CPED1: variants seen among roughly 807,000 people sequenced by gnomAD.
The protein encoded by CPED1 is cadherin-like and PC-esterase domain-containing protein 1.
Under a neutral mutation model 128.2 loss-of-function variants are expected in CPED1, and 114 were observed. The ratio of observed to expected loss-of-function variants is 0.89; its 90% CI spans 0.76 to 1.04. The LOEUF is 1.04. CPED1 is among the 50% of genes least tolerant of loss of function. CPED1 has a pLI of 0.00. For missense variants in CPED1, 1,211 were observed against 1,207.1 expected (o/e 1.00, Z -0.05); for synonymous variants, 462 against 426.7 (o/e 1.08, Z -1.02).
chr7:121,034,605 T>A (rs1792838548), intron 3 of CPED1, among the ~76,000 whole-genome samples: 1 of 152,146 alleles, frequency 6.6e-6, no homozygotes, highest in African/African-American at 2.4e-5. Flanking sequence ...ACACTGTTAT[T>A]AAATAAGAGC....
intron 16 of CPED1, among the ~76,000 whole-genome samples, chr7:121,194,656 T>C (rs1797229170): frequency 6.6e-6 from 1 of 152,156 alleles, no homozygotes; most frequent in Non-Finnish European, 1.5e-5. Flanking sequence ...AATTCAAATG[T>C]GTGTATTGGG....
intron 14 of CPED1, among the ~76,000 whole-genome samples, chr7:121,136,653 T>C (rs999217700): frequency 1.3e-5 from 2 of 152,132 alleles, no homozygotes; most frequent in African/African-American, 4.8e-5. Flanking sequence ...TATATCATCT[T>C]AGAGAGTCTA....
chr7:121,141,976 T>C lies in CPED1; in HGVS notation c.1890T>C (p.Phe630=), dbSNP rs762328505. ...VHLYEQAGPS[F]ASYPLGLGMN... is the part of the protein sequence containing the mutation. The stretch of plus-strand genomic sequence containing the variant: ...CTCTCTCCCTCTTTCTCTCCAGCTT[T>C]GCCAGCTACCCTCTGGGCTTAGGAA... Residue 630 remains phenylalanine (F), a synonymous_variant, in exon 16 of 23, where the codon TTT becomes TTC. Coordinates refer to ENST00000310396, the MANE Select transcript of CPED1 (RefSeq NM_024913.5). 1.2e-6 allele frequency: 2 copies of C among 1,611,842 alleles called. No individual in the cohort carries two copies. The highest frequency in any genetic ancestry group is 3.3e-5 in the Admixed American group (2 of 59,858).
intron 14 of CPED1, among the ~76,000 whole-genome samples, chr7:121,139,212 A>G (rs1202874027): frequency 6.6e-6 from 1 of 151,960 alleles, no homozygotes; most frequent in African/African-American, 2.4e-5. Flanking sequence ...TGAAGCAGAG[A>G]GTTTACCCAA....
At chr7:121,176,931 A>G (rs2116486098) in intron 16 of CPED1, among the ~76,000 whole-genome samples, 1 of 152,226 alleles carries the variant, frequency 6.6e-6, no homozygotes, top group African/African-American at 2.4e-5. Context: ...ACTCCAAAGT[A>G]TAGAATTGTT....
chr7:121,171,801 G>A (rs941763876), intron 16 of CPED1, among the ~76,000 whole-genome samples: 12 of 151,986 alleles, frequency 7.9e-5, no homozygotes, highest in Non-Finnish European at 1.8e-4. Context: ...CAATGCCTAG[G>A]AATTGGATAT....
At chr7:121,158,705 A>C (rs1796345787) in intron 16 of CPED1, among the ~76,000 whole-genome samples, 1 of 152,134 alleles carries the variant, frequency 6.6e-6, no homozygotes, top group Non-Finnish European at 1.5e-5. Context: ...AGGATATGGA[A>C]TATTAACCAT....
At position 121,243,756 on chromosome 7, in the gene CPED1, C is replaced by T. The variant is rs540295448; in HGVS notation, c.2174-446C>T. On this transcript the variant is annotated intron_variant, in intron 17 of 22. Transcript: ENST00000310396. The stretch of plus-strand genomic sequence containing the variant: ...TCATACTGAAGTAGTTCTCTTGTAT[C>T]TTAAATCCCTTGAGAGCAGGGAATA... 2.0e-5 allele frequency among the ~76,000 whole-genome samples: 3 copies of T among 152,262 alleles called. No individual in the cohort carries two copies. The South Asian group carries it at 6.2e-4, about 32-fold the overall frequency.
rs567552906 is a variant in CPED1, at chr7:121,007,143, AG to A, written c.250-8520del. Among the ~76,000 whole-genome samples, 198 of 151,936 alleles carry A rather than the reference AG, an allele frequency of 1.3e-3. 1 individual carries two copies. The highest frequency in any genetic ancestry group is 4.4e-3 in the African/African-American group (183 of 41,494). ...CTATGCGTAGGGGTTAGCTTGGGGA[AG>A]GAAGGAGCCTCACTGGAGCCGAAGC... On this transcript the variant is annotated intron_variant, in intron 2 of 22. Coordinates refer to ENST00000310396, the MANE Select transcript of CPED1 (RefSeq NM_024913.5).
intron 16 of CPED1, among the ~76,000 whole-genome samples, chr7:121,228,762 T>C (rs552387154): frequency 1.1e-4 from 16 of 152,002 alleles, no homozygotes; most frequent in African/African-American, 3.9e-4. Context: ...AGTGGATGAA[T>C]GGATAAAGAA....
intron 16 of CPED1, among the ~76,000 whole-genome samples, chr7:121,154,311 A>T (rs574363721): frequency 6.6e-6 from 1 of 152,254 alleles, no homozygotes; most frequent in South Asian, 2.1e-4. Context: ...AATTGCTGAG[A>T]CCAGGACTTA....
intron 22 of CPED1, among the ~76,000 whole-genome samples, chr7:121,289,983 T>G (rs1792659734): frequency 6.6e-6 from 1 of 152,052 alleles, no homozygotes; most frequent in Non-Finnish European, 1.5e-5. Context: ...CAGGCCCCAG[T>G]GTGTGTTGTT....
intron 2 of CPED1, among the ~76,000 whole-genome samples, chr7:121,005,152 T>A (rs1027222268): frequency 1.3e-5 from 2 of 152,240 alleles, no homozygotes; most frequent in Non-Finnish European, 2.9e-5. Flanking sequence ...ATTGTTTAAC[T>A]CCTGCTTATG....
intron 6 of CPED1, 136 bp from the exon 7 acceptor site, chr7:121,099,790 G>C: frequency 1.8e-5 from 15 of 834,852 alleles, no homozygotes; most frequent in Non-Finnish European, 2.7e-5. Flanking sequence ...AACTGAAATT[G>C]TTCAAGGAAA....
chr7:121,253,473 TAAAAA>T lies in CPED1; in HGVS notation c.2310+9139_2310+9143del, dbSNP rs144017229. Among the ~76,000 whole-genome samples, 339 of 151,036 alleles carry T rather than the reference TAAAAA, an allele frequency of 2.2e-3. 3 individuals are homozygous for T. The highest frequency in any genetic ancestry group is 7.3e-3 in the Admixed American group (111 of 15,150). ...AACTTAAAGTATAATAATAATAAAA[TAAAAA>T]AAAGGAACATAGCTCACTGGCACTG... On this transcript the variant is annotated intron_variant, in intron 18 of 22. Coordinates refer to ENST00000310396, the MANE Select transcript of CPED1 (RefSeq NM_024913.5).
intron 7 of CPED1, among the ~76,000 whole-genome samples, chr7:121,101,137 G>T (rs891592534): frequency 6.6e-6 from 1 of 151,800 alleles, no homozygotes; most frequent in African/African-American, 2.4e-5. Flanking sequence ...TCCCAACCTT[G>T]CCTTCTCAAG....
At chr7:121,086,362 A>G (rs1794426512) in intron 5 of CPED1, among the ~76,000 whole-genome samples, 1 of 152,204 alleles carries the variant, frequency 6.6e-6, no homozygotes, top group Admixed American at 6.5e-5. Context: ...AGTTTTAATT[A>G]AGGAAACCTT....
At chr7:121,076,388 C>T (rs557505902) in intron 5 of CPED1, among the ~76,000 whole-genome samples, 1 of 152,248 alleles carries the variant, frequency 6.6e-6, no homozygotes, top group African/African-American at 2.4e-5. Context: ...AAGATAGTAA[C>T]AGCTTTCATA....
intron 3 of CPED1, among the ~76,000 whole-genome samples, chr7:121,044,231 G>A (rs1292276141): frequency 2.0e-5 from 3 of 152,140 alleles, no homozygotes; most frequent in African/African-American, 7.2e-5. Flanking sequence ...AGAGGGAGCT[G>A]ACTTCTAATG....
Sources: allele counts gnomAD v4.1 joint callset (sites outside exome capture counted in the v4.1 genomes callset), GRCh38; gene constraint gnomAD v4.1.1; transcripts MANE v1.5; gene names NCBI Gene and HGNC (gene_info 2026-07-23, HGNC 2026-07-21).